ARMC8: variants seen among roughly 807,000 people sequenced by gnomAD.
ARMC8 encodes the protein armadillo repeat-containing protein 8.
In ARMC8, 20 loss-of-function variants were observed where a neutral mutation model predicts 99.3. The observed-to-expected ratio is 0.20, with a 90% CI of 0.14 to 0.29. The LOEUF (loss-of-function observed/expected upper bound fraction) is 0.29. Ranked by LOEUF, ARMC8 falls within the 10% of genes least tolerant of loss-of-function variation. The pLI, the probability that ARMC8 is intolerant of heterozygous loss-of-function variation, is 1.00. For missense variants in ARMC8, 569 were observed against 809.5 expected (o/e 0.70, Z 3.60); for synonymous variants, 263 against 278.3 (o/e 0.95, Z 0.55).
intron 18 of ARMC8, 62 bp from the exon 19 acceptor site, chr3:138,284,369 G>T: frequency 7.5e-7 from 1 of 1,324,678 alleles, no homozygotes; most frequent in Non-Finnish European, 1.1e-6. Context: ...CCAAGCTCTT[G>T]AGACAGCTTG....
At chr3:138,229,295 A>G (rs80236759) in intron 6 of ARMC8, among the ~76,000 whole-genome samples, 1 of 147,392 alleles carries the variant, frequency 6.8e-6, no homozygotes, top group East Asian at 2.0e-4. Flanking sequence ...ACATATCTCT[A>G]AGGCTATTCC....
At chr3:138,229,160 A>ACATC (rs2045874812) in intron 6 of ARMC8, 150 bp downstream of exon 6, 2 of 70,908 alleles carry the variant, frequency 2.8e-5, no homozygotes, top group African/African-American at 1.2e-4. Flanking sequence ...ATATATATAT[A>ACATC]TATATATATA....
chr3:138,259,747 C>G (rs2047586124), intron 12 of ARMC8, among the ~76,000 whole-genome samples: 1 of 152,214 alleles, frequency 6.6e-6, no homozygotes, highest in Non-Finnish European at 1.5e-5. Flanking sequence ...CACCTTATAG[C>G]TATACTCTGT....
At chr3:138,269,970 G>A in intron 15 of ARMC8, 70 bp from the exon 16 acceptor site, 1 of 997,470 alleles carries the variant, frequency 1.0e-6, no homozygotes, top group Non-Finnish European at 1.6e-6. Flanking sequence ...AAAGTGCCAA[G>A]GTATATGCAT....
At chr3:138,232,519 G>A (rs1209035579) in intron 6 of ARMC8, among the ~76,000 whole-genome samples, 1 of 152,176 alleles carries the variant, frequency 6.6e-6, no homozygotes, top group Non-Finnish European at 1.5e-5. Context: ...TAGAAAAAAA[G>A]TTACAAGCAC....
At chr3:138,275,944 C>T (rs1368890792) in intron 18 of ARMC8, among the ~76,000 whole-genome samples, 2 of 151,966 alleles carry the variant, frequency 1.3e-5, no homozygotes, top group African/African-American at 4.8e-5. Context: ...ATTACTGAAA[C>T]ACAACAATGA....
At chr3:138,188,445 C>CT (rs1314956549) in intron 1 of ARMC8, 2 of 1,602,770 alleles carry the variant, frequency 1.2e-6, no homozygotes, top group Non-Finnish European at 1.7e-6. Flanking sequence ...CTATGTTGCT[C>CT]TTGAACCAGG....
chr3:138,269,920 A>G (rs2048632791), intron 15 of ARMC8, 120 bp from the exon 16 acceptor site: 3 of 511,100 alleles, frequency 5.9e-6, no homozygotes, highest in Admixed American at 3.4e-5. Context: ...CTGCTTTGCA[A>G]AAGTTGCCTG....
At chr3:138,195,351 A>G (rs2043664531) in intron 1 of ARMC8, among the ~76,000 whole-genome samples, 1 of 152,102 alleles carries the variant, frequency 6.6e-6, no homozygotes, top group South Asian at 2.1e-4. Context: ...ATCAATGTGA[A>G]CTTTCTAATC....
chr3:138,295,767 T>C, intron 21 of ARMC8, 92 bp from the exon 22 acceptor site: 1 of 1,459,294 alleles, frequency 6.9e-7, no homozygotes, highest in Non-Finnish European at 9.5e-7. Flanking sequence ...TTTACTTTTT[T>C]AGACTTCCCC....
intron 1 of ARMC8, among the ~76,000 whole-genome samples, chr3:138,203,399 G>T (rs1310283759): frequency 2.0e-5 from 3 of 152,204 alleles, no homozygotes; most frequent in African/African-American, 7.2e-5. Flanking sequence ...CTCTTATGTG[G>T]TTGCAGTGAG....
intron 16 of ARMC8, among the ~76,000 whole-genome samples, chr3:138,270,809 C>T (rs892730727): frequency 6.6e-6 from 1 of 151,938 alleles, no homozygotes; most frequent in Non-Finnish European, 1.5e-5. Flanking sequence ...GGTTAGAGAA[C>T]CATTTCTCCT....
intron 18 of ARMC8, among the ~76,000 whole-genome samples, chr3:138,283,530 G>A (rs980273519): frequency 6.6e-6 from 1 of 152,202 alleles, no homozygotes; most frequent in Non-Finnish European, 1.5e-5. Flanking sequence ...CAAAGTCAGG[G>A]AGTGTGTTTT....
At chr3:138,293,785 CA>C (rs2051213715) in intron 21 of ARMC8, among the ~76,000 whole-genome samples, 1 of 152,116 alleles carries the variant, frequency 6.6e-6, no homozygotes, top group Non-Finnish European at 1.5e-5. Context: ...GAAGTAAAAA[CA>C]AATTTTACTT....
chr3:138,276,346 G>A (rs780353503), intron 18 of ARMC8, among the ~76,000 whole-genome samples: 3 of 152,144 alleles, frequency 2.0e-5, no homozygotes, highest in Admixed American at 6.5e-5. Context: ...ATCCACCTAT[G>A]AAACTGTCAC....
chr3:138,272,040 T>C (rs2048853191), intron 16 of ARMC8, among the ~76,000 whole-genome samples: 2 of 152,224 alleles, frequency 1.3e-5, no homozygotes, highest in African/African-American at 4.8e-5. Flanking sequence ...TCTTCAGACA[T>C]GTATAGCTTG....
chr3:138,269,473 T>C (rs1304664516), intron 15 of ARMC8, among the ~76,000 whole-genome samples: 3 of 152,186 alleles, frequency 2.0e-5, no homozygotes, highest in East Asian at 1.9e-4. Context: ...CAGGACTGTT[T>C]TGCTTGTATA....
intron 18 of ARMC8, among the ~76,000 whole-genome samples, chr3:138,277,996 T>TA (rs1286508209): frequency 2.0e-5 from 3 of 152,166 alleles, no homozygotes; most frequent in African/African-American, 4.8e-5. Flanking sequence ...AGATGCCAGA[T>TA]ACAATACAAA....
chr3:138,262,665 A>G (rs2047868811), intron 12 of ARMC8: 3 of 1,397,206 alleles, frequency 2.1e-6, no homozygotes, highest in South Asian at 1.5e-5. Context: ...GGTCTGCTGT[A>G]TGGCCTGGAC....
Sources: gnomAD v4.1 joint callset for allele counts (sites outside exome capture counted in the v4.1 genomes callset) on GRCh38, gnomAD v4.1.1 for gene constraint, MANE v1.5 for transcripts, NCBI Gene and HGNC (gene_info 2026-07-23, HGNC 2026-07-21) for gene names.